TRAPPC9: variants seen among roughly 807,000 people sequenced by gnomAD.
TRAPPC9 encodes the protein trafficking protein particle complex subunit 9.
In TRAPPC9, 83 loss-of-function variants were observed where a neutral mutation model predicts 124.0. That is an observed-to-expected ratio of 0.67 (90% CI 0.56 to 0.80). TRAPPC9 has a LOEUF of 0.80. Among genes scored for constraint, TRAPPC9 ranks in the 30% least tolerant of loss-of-function variants. The pLI, the probability that TRAPPC9 is intolerant of heterozygous loss-of-function variation, is 0.00. For synonymous variants in TRAPPC9, 638 were observed against 617.5 expected (o/e 1.03, Z -0.49); for missense variants, 1,302 against 1,508.3 (o/e 0.86, Z 2.27).
At chr8:139,944,609 A>G (rs1404692468) in intron 19 of TRAPPC9, among the ~76,000 whole-genome samples, 1 of 152,244 alleles carries the variant, frequency 6.6e-6, no homozygotes, top group Non-Finnish European at 1.5e-5. Context: ...TGACAGATAA[A>G]TTCATATGTG....
chr8:140,307,421 C>A (rs1019151217), intron 10 of TRAPPC9, among the ~76,000 whole-genome samples: 1 of 152,172 alleles, frequency 6.6e-6, no homozygotes, highest in African/African-American at 2.4e-5. Flanking sequence ...GCTGCTATTA[C>A]AAAATATTCT....
chr8:140,395,491 C>CT (rs960697629), intron 7 of TRAPPC9, among the ~76,000 whole-genome samples: 1 of 152,184 alleles, frequency 6.6e-6, no homozygotes, highest in African/African-American at 2.4e-5. Flanking sequence ...GTGCTCAACT[C>CT]TCATGCTAAA....
chr8:139,784,688 T>C (rs1008704799), intron 21 of TRAPPC9, among the ~76,000 whole-genome samples: 5 of 136,238 alleles, frequency 3.7e-5, no homozygotes, highest in Non-Finnish European at 7.8e-5. Flanking sequence ...CAATTGGAAA[T>C]CAAAACTTAA....
intron 21 of TRAPPC9, among the ~76,000 whole-genome samples, chr8:139,751,744 T>A (rs1819321678): frequency 6.7e-6 from 1 of 149,412 alleles, no homozygotes; most frequent in Non-Finnish European, 1.5e-5. Context: ...CATCCATCCA[T>A]CCATCCATCC....
chr8:140,075,909 A>G (rs1367131659), intron 17 of TRAPPC9, among the ~76,000 whole-genome samples: 1 of 152,214 alleles, frequency 6.6e-6, no homozygotes, highest in Non-Finnish European at 1.5e-5. Context: ...GCAGTTACTG[A>G]TTTGAAGCAA....
At chr8:139,840,107 C>T (rs1223387210) in intron 21 of TRAPPC9, among the ~76,000 whole-genome samples, 1 of 152,222 alleles carries the variant, frequency 6.6e-6, no homozygotes, top group Non-Finnish European at 1.5e-5. Flanking sequence ...GCAGTCCATC[C>T]CACGGCCTGG....
At chr8:139,921,329 A>T (rs1475417041) in intron 19 of TRAPPC9, among the ~76,000 whole-genome samples, 2 of 152,228 alleles carry the variant, frequency 1.3e-5, no homozygotes, top group Non-Finnish European at 2.9e-5. Flanking sequence ...GTGTTCAGAG[A>T]ACAGCTGTCA....
intron 14 of TRAPPC9, among the ~76,000 whole-genome samples, chr8:140,280,332 T>C (rs1014105114): frequency 2.6e-5 from 4 of 152,236 alleles, no homozygotes; most frequent in Non-Finnish European, 4.4e-5. Context: ...CTAAACAGCA[T>C]GTGCAGGTAT....
At chr8:139,815,056 G>A (rs1056715044) in intron 21 of TRAPPC9, among the ~76,000 whole-genome samples, 2 of 152,186 alleles carry the variant, frequency 1.3e-5, no homozygotes, top group Admixed American at 6.5e-5. Context: ...CTTCCCCCAG[G>A]TCCTGTTGTG....
rs142339389 is a variant in TRAPPC9, at chr8:140,045,388, G to A, written c.2557-21309C>T. On this transcript the variant is annotated intron_variant, in intron 17 of 22. Coordinates refer to ENST00000438773, the MANE Select transcript of TRAPPC9 (RefSeq NM_001160372.4). Reference sequence around the variant, plus strand: ...TGCCTGTAATCCCAGCACTTTGGGAGACCGAGGCGGGTGGATCACCTGAGG... The same window carrying A: ...TGCCTGTAATCCCAGCACTTTGGGAAACCGAGGCGGGTGGATCACCTGAGG... Among the ~76,000 whole-genome samples, 880 of 152,274 alleles carry A rather than the reference G, an allele frequency of 5.8e-3. 2 individuals carry two copies. The highest frequency in any genetic ancestry group is 9.3e-3 in the Non-Finnish European group (632 of 68,018).
At chr8:140,356,551 C>T (rs369167144) in intron 9 of TRAPPC9, among the ~76,000 whole-genome samples, 2 of 149,892 alleles carry the variant, frequency 1.3e-5, no homozygotes, top group Admixed American at 6.6e-5. Flanking sequence ...CAGAAAAACA[C>T]GATGCAGCAT....
intron 17 of TRAPPC9, among the ~76,000 whole-genome samples, chr8:140,032,827 G>T (rs547489749): frequency 6.6e-6 from 1 of 152,084 alleles, no homozygotes; most frequent in South Asian, 2.1e-4. Flanking sequence ...ACTGAAAGTC[G>T]AACCATGTCA....
At chr8:140,311,460 C>CA in intron 9 of TRAPPC9, 86 bp from the exon 10 acceptor site, 2 of 1,507,964 alleles carry the variant, frequency 1.3e-6, no homozygotes, top group Non-Finnish European at 1.8e-6. Flanking sequence ...CATTTCATGA[C>CA]AGTCCAGTGA....
At chr8:140,218,564 G>A (rs190833924) in intron 17 of TRAPPC9, among the ~76,000 whole-genome samples, 5 of 152,010 alleles carry the variant, frequency 3.3e-5, no homozygotes, top group Admixed American at 2.6e-4. Context: ...CTGGCCAGGA[G>A]AGACAAGCAG....
intron 14 of TRAPPC9, among the ~76,000 whole-genome samples, chr8:140,282,562 G>A (rs1306329282): frequency 6.9e-4 from 54 of 77,698 alleles, no homozygotes; most frequent in Non-Finnish European, 2.4e-4. Flanking sequence ...GCAAGACTCC[G>A]TCAAAAAAAA....
chr8:140,430,392 C>A (rs1178354800), intron 4 of TRAPPC9, among the ~76,000 whole-genome samples: 1 of 152,106 alleles, frequency 6.6e-6, no homozygotes, highest in Non-Finnish European at 1.5e-5. Context: ...CCCCATTCCT[C>A]CCCCACCCAA....
intron 17 of TRAPPC9, among the ~76,000 whole-genome samples, chr8:140,140,109 G>T (rs1227905723): frequency 1.3e-5 from 2 of 152,138 alleles, no homozygotes; most frequent in Non-Finnish European, 2.9e-5. Flanking sequence ...AAGTGCAGGG[G>T]TGAGCACACG....
chr8:140,260,631 G>A (rs1236121409), intron 15 of TRAPPC9, among the ~76,000 whole-genome samples: 2 of 152,188 alleles, frequency 1.3e-5, no homozygotes, highest in African/African-American at 4.8e-5. Flanking sequence ...GAAGGAGGAA[G>A]GAGAACACAA....
intron 9 of TRAPPC9, among the ~76,000 whole-genome samples, chr8:140,334,486 C>T (rs973778950): frequency 5.9e-5 from 9 of 151,992 alleles, no homozygotes; most frequent in Non-Finnish European, 1.0e-4. Flanking sequence ...CCCATCTCTA[C>T]TAAAAATACA....
Sources: gnomAD v4.1 joint callset for allele counts (sites outside exome capture counted in the v4.1 genomes callset) on GRCh38, gnomAD v4.1.1 for gene constraint, MANE v1.5 for transcripts, NCBI Gene and HGNC (gene_info 2026-07-23, HGNC 2026-07-21) for gene names.